Variants in TNRC18 observed in about 807,000 individuals in gnomAD.
The protein encoded by TNRC18 is trinucleotide repeat-containing gene 18 protein.
TNRC18 carries 69 observed loss-of-function variants against 226.7 expected under a neutral mutation model. That is an observed-to-expected ratio of 0.30 (90% CI 0.25 to 0.37). The LOEUF is 0.37. Ranked by LOEUF, TNRC18 falls within the 10% of genes least tolerant of loss-of-function variation. The pLI, the probability that TNRC18 is intolerant of heterozygous loss-of-function variation, is 1.00. For missense variants in TNRC18, 4,754 were observed against 4,256.6 expected, an observed-to-expected ratio of 1.12 and a Z score of -3.25; for synonymous variants, 2,449 against 1,927.6, an observed-to-expected ratio of 1.27 and a Z score of -7.09.
intron 13 of TNRC18, 49 bp from the exon 14 acceptor site, chr7:5,361,771 C>A: frequency 6.5e-7 from 1 of 1,544,544 alleles, no homozygotes; most frequent in African/African-American, 1.4e-5. Context: ...GCGGGCGGGG[C>A]GCGGAGAACG....
At chr7:5,356,811 C>CGAGAGA (rs1025388442) in intron 16 of TNRC18, 105 bp downstream of exon 16, 21 of 1,372,650 alleles carry the variant, frequency 1.5e-5, no homozygotes, top group Non-Finnish European at 1.9e-5. Flanking sequence ...AGAGCGAGAG[C>CGAGAGA]GAGAGAGAGA....
intron 10 of TNRC18, among the ~76,000 whole-genome samples, chr7:5,373,785 G>A (rs897796603): frequency 3.9e-5 from 6 of 152,110 alleles, no homozygotes; most frequent in South Asian, 4.1e-4. Flanking sequence ...GGTCTGGCTC[G>A]GTGGAAAACT....
At chr7:5,397,905 T>A (rs1266557350) in intron 2 of TNRC18, among the ~76,000 whole-genome samples, 1 of 152,164 alleles carries the variant, frequency 6.6e-6, no homozygotes, top group Non-Finnish European at 1.5e-5. Flanking sequence ...CTATCTTCCT[T>A]ACTTCCTGCC....
At position 5,312,995 on chromosome 7, in the gene TNRC18, A is replaced by AGAGGAG. The variant is rs762048914; in HGVS notation, c.7890_7895dup (p.Ser2670_Ser2671dup). ...AGGAGGAGGAAGAGGAGGAGGAGGA[A>AGAGGAG]GAGGAGGATGAGGAGGAGGAGGAGG... On this transcript the variant is annotated inframe_insertion, in exon 27 of 30. Coordinates refer to ENST00000430969, the MANE Select transcript of TNRC18 (RefSeq NM_001080495.3). This position sits in a 1 kb window ranked among gnomAD's most constrained non-coding sequence, Gnocchi z 6.3. 5.4e-5 allele frequency: 47 copies of AGAGGAG among 873,742 alleles called. No individual in the cohort carries two copies. In the East Asian group the frequency reaches 8.3e-4, roughly 15 times the overall value. 54.1% of individuals were successfully genotyped at this position (873,742 alleles called of 1,614,324 possible). A position where few individuals can be genotyped will look rare whatever the true frequency, so the allele number is the denominator to read the frequency against.
At chr7:5,353,136 AC>A (rs1408711132) in intron 16 of TNRC18, among the ~76,000 whole-genome samples, 1 of 152,144 alleles carries the variant, frequency 6.6e-6, no homozygotes. Flanking sequence ...TGCCCATCGA[AC>A]CAGTCAAAGT....
Position 5,373,952 on chromosome 7 carries a change from G to C in TNRC18, c.3229+103C>G, listed in dbSNP as rs1794389762. The stretch of plus-strand genomic sequence containing the variant: ...TGGGACGCAGGAGGTGCTCCGTGGA[G>C]GTGGAATGAACGAACGATCGAACGG... On this transcript the variant is annotated intron_variant, in intron 10 of 29. Transcript: ENST00000430969. The C allele has an allele frequency of 4.3e-6, 4 of 929,746 alleles. No homozygotes were observed. The South Asian group carries it at 6.3e-5, about 15-fold the overall frequency. The allele number at this position is 929,746 out of a possible 1,614,324, so 57.6% of individuals were successfully genotyped here.
rs898005442 is a variant in TNRC18 at position 5,307,300 on chromosome 7, G to A, written c.*806C>T. 5.3e-5 allele frequency: 8 copies of A among 150,658 alleles called. No homozygotes were observed. The highest frequency in any genetic ancestry group is 1.2e-4 in the African/African-American group (5 of 40,816). 9.3% of individuals were successfully genotyped at this position (150,658 alleles called of 1,614,324 possible). On this transcript the variant is annotated 3_prime_UTR_variant, in exon 30 of 30. Coordinates refer to ENST00000430969, the MANE Select transcript of TNRC18 (RefSeq NM_001080495.3). ...TTATCTTTATATATATAATTAAAAAGTTGACTCCATTTAAAGGCTTATGAT... is the reference window on the plus strand; with the variant it reads ...TTATCTTTATATATATAATTAAAAAATTGACTCCATTTAAAGGCTTATGAT...
chr7:5,323,564 G>A (rs1170861828), intron 21 of TNRC18, among the ~76,000 whole-genome samples: 4 of 36,836 alleles, frequency 1.1e-4, no homozygotes, highest in Admixed American at 3.2e-4. Context: ...TGCAGCACCA[G>A]ACAGTTTTTT....
At chr7:5,325,996 A>G (rs1788880159) in intron 19 of TNRC18, among the ~76,000 whole-genome samples, 1 of 151,764 alleles carries the variant, frequency 6.6e-6, no homozygotes, top group African/African-American at 2.4e-5. Flanking sequence ...GGCCTTCCAA[A>G]GTGCTGGGAT....
chr7:5,310,383 C>T (rs1413499798), intron 27 of TNRC18, among the ~76,000 whole-genome samples: 1 of 152,106 alleles, frequency 6.6e-6, no homozygotes, highest in Non-Finnish European at 1.5e-5. Context: ...GCGTGCACCA[C>T]CACGCCTGGC....
At position 5,335,315 on chromosome 7, in the gene TNRC18, A is replaced by T. The variant is rs1278914956; in HGVS notation, c.5720-2266T>A. Among the ~76,000 whole-genome samples, 689 of 149,838 alleles carry T rather than the reference A, an allele frequency of 4.6e-3. 12 individuals carry two copies. Among genetic ancestry groups the T allele is most frequent in the African/African-American group, 0.016 (651 of 40,732 alleles). On this transcript the variant is annotated intron_variant, in intron 18 of 29. Coordinates refer to ENST00000430969, the MANE Select transcript of TNRC18 (RefSeq NM_001080495.3). Reference sequence around the variant, plus strand: ...AGAATCTGTCTCAAAAAAAAAAAAAAAAAAAAAAATTTGGCCAGGCACAGT... The same window carrying T: ...AGAATCTGTCTCAAAAAAAAAAAAATAAAAAAAAATTTGGCCAGGCACAGT...
At chr7:5,395,680 A>C (rs1417744728) in intron 2 of TNRC18, among the ~76,000 whole-genome samples, 1 of 152,226 alleles carries the variant, frequency 6.6e-6, no homozygotes, top group Non-Finnish European at 1.5e-5. Flanking sequence ...GGAAGGAAGC[A>C]TGTGTTTAAC....
chr7:5,314,606 CTT>C (rs1254206985), intron 26 of TNRC18, among the ~76,000 whole-genome samples: 122 of 113,228 alleles, frequency 1.1e-3, no homozygotes, highest in Middle Eastern at 0.011. Context: ...GAATTTCGCT[CTT>C]GTCGCCCAGG....
At chr7:5,308,733 G>A in intron 29 of TNRC18, 142 bp downstream of exon 29, 1 of 854,238 alleles carries the variant, frequency 1.2e-6, no homozygotes, top group East Asian at 2.7e-5. Context: ...GCCAGGCACT[G>A]AGAGTGGCAG....
rs1223140490 is a variant in TNRC18 at position 5,376,221 on chromosome 7, T to C, written c.2612A>G (p.Glu871Gly). The change falls in exon 9 of 30, where the codon GAG (glutamate) becomes GGG (glycine). Residue 871 changes from glutamate to glycine, a missense_variant. By Grantham distance (98) the Glu-to-Gly change is moderately conservative. Coordinates refer to ENST00000430969, the MANE Select transcript of TNRC18 (RefSeq NM_001080495.3). ...IPSDHLPHFA[E>G]LMERATVPPL... ...CGGTACGGTGGCCCGCTCCATCAGC[T>C]CCGCTGCAGGGACAGAGACAGTGCG... 6.7e-7 allele frequency: 1 copy of C among 1,497,154 alleles called. No individual in the cohort carries two copies. Among genetic ancestry groups the C allele is most frequent in the Admixed American group, 2.3e-5 (1 of 43,040 alleles). The allele number at this position is 1,497,154 out of a possible 1,614,324, so 92.7% of individuals were successfully genotyped here. A position where few individuals can be genotyped will look rare whatever the true frequency, so the allele number is the denominator to read the frequency against.
intron 17 of TNRC18, among the ~76,000 whole-genome samples, chr7:5,348,948 G>A (rs1003331043): frequency 6.6e-6 from 1 of 152,044 alleles, no homozygotes; most frequent in Admixed American, 6.5e-5. Context: ...AATTTGAGCA[G>A]GGTGGTGGGC....
At chr7:5,358,103 T>C (rs575925763) in intron 15 of TNRC18, among the ~76,000 whole-genome samples, 1 of 152,320 alleles carries the variant, frequency 6.6e-6, no homozygotes, top group East Asian at 1.9e-4. Context: ...CTCAGCCACC[T>C]ACAGCAGCTG....
rs1211850706 is a variant in TNRC18 at position 5,313,001 on chromosome 7, GGAT to G, written c.7887_7889del (p.Ser2671del). ...AGGAAGAGGAGGAGGAGGAAGAGGAGGATGAGGAGGAGGAGGAGGAGGAGGAGG... is the reference window on the plus strand; with the variant it reads ...AGGAAGAGGAGGAGGAGGAAGAGGAGGAGGAGGAGGAGGAGGAGGAGGAGG... On this transcript the variant is annotated inframe_deletion, in exon 27 of 30. Coordinates refer to ENST00000430969, the MANE Select transcript of TNRC18 (RefSeq NM_001080495.3). The G allele has an allele frequency of 1.6e-3, 1,468 of 925,924 alleles. 24 individuals carry two copies. In the East Asian group the frequency reaches 0.02, roughly 13 times the overall value. 57.4% of individuals were successfully genotyped at this position (925,924 alleles called of 1,614,324 possible). A position where few individuals can be genotyped will look rare whatever the true frequency, so the allele number is the denominator to read the frequency against.
intron 2 of TNRC18, among the ~76,000 whole-genome samples, chr7:5,408,298 CAAA>C (rs55756995): frequency 8.3e-5 from 6 of 72,478 alleles, no homozygotes; most frequent in Non-Finnish European, 5.8e-5. Flanking sequence ...ACTTCCGTCT[CAAA>C]AAAAAAAAAA....
Sources: allele counts gnomAD v4.1 joint callset (sites outside exome capture counted in the v4.1 genomes callset), GRCh38; gene constraint gnomAD v4.1.1; non-coding constraint Gnocchi (gnomAD v3.1); transcripts MANE v1.5; gene names NCBI Gene and HGNC (gene_info 2026-07-23, HGNC 2026-07-21).